CELF2: variants seen among roughly 807,000 people sequenced by gnomAD.
CELF2 encodes CUG triplet repeat RNA-binding protein 2.
A neutral mutation model predicts 62.6 loss-of-function variants in CELF2; 8 were observed. The observed-to-expected ratio is 0.13, with a 90% CI of 0.07 to 0.23. The LOEUF is 0.23. Among genes scored for constraint, CELF2 ranks in the 10% least tolerant of loss-of-function variants. CELF2 has a pLI of 1.00. For missense variants in CELF2, 333 were observed against 671.0 expected, an observed-to-expected ratio of 0.50 and a Z score of 5.56; for synonymous variants, 258 against 250.0, an observed-to-expected ratio of 1.03 and a Z score of -0.30.
intron 2 of CELF2, among the ~76,000 whole-genome samples, chr10:10,943,773 TTTTG>T (rs1564859235): frequency 4.0e-5 from 2 of 50,016 alleles, no homozygotes; most frequent in Non-Finnish European, 6.7e-5. Flanking sequence ...TTTTTTTTTG[TTTTG>T]TTTTTGGAGA....
chr10:10,917,735 G>A (rs1254465936), intron 1 of CELF2: 1 of 152,176 alleles, frequency 6.6e-6, no homozygotes, highest in African/African-American at 2.4e-5. Flanking sequence ...GGGCTGGTGG[G>A]GAGCAGTACT....
chr10:11,093,241 T>TA (rs1439003751), intron 1 of CELF2, among the ~76,000 whole-genome samples: 4 of 132,920 alleles, frequency 3.0e-5, no homozygotes, highest in African/African-American at 1.3e-4. Context: ...AGATGGTGTT[T>TA]ATTGGGCCAC....
At chr10:10,892,244 G>T (rs2062196202) in intron 1 of CELF2, among the ~76,000 whole-genome samples, 1 of 152,102 alleles carries the variant, frequency 6.6e-6, no homozygotes, top group South Asian at 2.1e-4. Flanking sequence ...TATTTTCAGG[G>T]TCACAATCAG....
chr10:10,902,301 G>C (rs1355733274), intron 1 of CELF2, among the ~76,000 whole-genome samples: 2 of 152,200 alleles, frequency 1.3e-5, no homozygotes, highest in African/African-American at 4.8e-5. Flanking sequence ...AATGTTCATA[G>C]CAACTCTATT....
At chr10:11,264,970 A>G (rs1334148088) in intron 5 of CELF2, among the ~76,000 whole-genome samples, 1 of 152,222 alleles carries the variant, frequency 6.6e-6, no homozygotes, top group African/African-American at 2.4e-5. Flanking sequence ...TTTGTGTGTT[A>G]AAAATTATAG....
chr10:11,220,362 G>A lies in CELF2; in HGVS notation c.354+2855G>A, dbSNP rs1446900940. Among the ~76,000 whole-genome samples, 4 of 152,140 alleles carry A rather than the reference G, an allele frequency of 2.6e-5. No individual in the cohort carries two copies. Among genetic ancestry groups the A allele is most frequent in the Non-Finnish European group, 5.9e-5 (4 of 68,014 alleles). On this transcript the variant is annotated intron_variant, in intron 3 of 12. Coordinates refer to ENST00000633077, the MANE Select transcript of CELF2 (RefSeq NM_001326342.2). This position sits in a 1 kb window ranked among gnomAD's most constrained non-coding sequence, Gnocchi z 4.4. Reference sequence around the variant, plus strand: ...GTATGCGCCATCTTTCTTTCTTGAGGGACACAAAGAACTTGGTTAGTTAGG... The same window carrying A: ...GTATGCGCCATCTTTCTTTCTTGAGAGACACAAAGAACTTGGTTAGTTAGG...
the CELF2 span, among the ~76,000 whole-genome samples, chr10:10,736,255 C>T: frequency 1.3e-5 from 2 of 152,074 alleles, no homozygotes; most frequent in South Asian, 4.1e-4. Context: ...GCTTTTAAAA[C>T]GAAGGTGCTA....
At chr10:10,634,364 G>A in the CELF2 span, among the ~76,000 whole-genome samples, 15 of 151,936 alleles carry the variant, frequency 9.9e-5, no homozygotes, top group Non-Finnish European at 1.9e-4. Flanking sequence ...ACTAATTGTC[G>A]GTTTTATATA....
Position 11,285,825 on chromosome 10 carries a change from T to TGG in CELF2, c.842-2592_842-2591dup, listed in dbSNP as rs1311188926. On this transcript the variant is annotated intron_variant, in intron 8 of 12. Coordinates refer to ENST00000633077, the MANE Select transcript of CELF2 (RefSeq NM_001326342.2). The surrounding 1 kb of genome is among the most constrained non-coding windows in gnomAD (Gnocchi z 4.3). ...TTTGCTCATCACCTACTATATATAT[T>TGG]GGTGTGTGTGTGTGTGTGTGTGTGT... Among the ~76,000 whole-genome samples the TGG allele has an allele frequency of 3.5e-5, 4 of 114,184 alleles. No individual in the cohort carries two copies. The highest frequency in any genetic ancestry group is 3.3e-4 in the South Asian group (1 of 3,026). 74.9% of individuals were successfully genotyped at this position (114,184 alleles called of 152,430 possible).
intron 9 of CELF2, among the ~76,000 whole-genome samples, chr10:11,293,104 T>A (rs535925673): frequency 1.3e-5 from 2 of 152,234 alleles, no homozygotes; most frequent in African/African-American, 4.8e-5. Flanking sequence ...CAGCACACAC[T>A]CGCCCAGATC....
At chr10:10,769,625 A>G in the CELF2 span, among the ~76,000 whole-genome samples, 1 of 152,006 alleles carries the variant, frequency 6.6e-6, no homozygotes, top group Admixed American at 6.6e-5. Context: ...TTAGCTGGGC[A>G]TGGTGGTGCA....
At chr10:10,703,021 T>C in the CELF2 span, among the ~76,000 whole-genome samples, 1 of 152,222 alleles carries the variant, frequency 6.6e-6, no homozygotes, top group Non-Finnish European at 1.5e-5. Flanking sequence ...CAAAGGGTCA[T>C]CCCACTCTCC....
At chr10:10,752,302 G>A in the CELF2 span, among the ~76,000 whole-genome samples, 1 of 152,246 alleles carries the variant, frequency 6.6e-6, no homozygotes, top group Non-Finnish European at 1.5e-5. Flanking sequence ...GATGCCAGTA[G>A]TAGCAAGTGG....
chr10:11,328,829 A>G lies in CELF2; in HGVS notation c.1439-97A>G. On this transcript the variant is annotated intron_variant, in intron 12 of 12. Transcript: ENST00000633077. This position sits in a 1 kb window ranked among gnomAD's most constrained non-coding sequence, Gnocchi z 6.4. ...GCTGGGCCCGTGGGGCTGGCACCTC[A>G]TGCTGGCTCTTCAGCCTTCCCCAGA... is the stretch of plus-strand genomic sequence containing the variant. The G allele has an allele frequency of 1.4e-6, 2 of 1,415,464 alleles. No homozygotes were observed. Among genetic ancestry groups the G allele is most frequent in the Non-Finnish European group, 1.9e-6 (2 of 1,047,406 alleles). 87.7% of individuals were successfully genotyped at this position (1,415,464 alleles called of 1,614,324 possible). A position where few individuals can be genotyped will look rare whatever the true frequency, so the allele number is the denominator to read the frequency against.
intron 2 of CELF2, chr10:10,966,603 C>T: frequency 6.6e-6 from 1 of 152,324 alleles, no homozygotes; most frequent in Non-Finnish European, 1.5e-5. Flanking sequence ...GTGCTTGGGA[C>T]ACACATTCTC....
intron 1 of CELF2, among the ~76,000 whole-genome samples, chr10:10,829,145 T>C (rs746862064): frequency 6.6e-6 from 1 of 152,236 alleles, no homozygotes; most frequent in Non-Finnish European, 1.5e-5. Flanking sequence ...CTCACCATAG[T>C]TATCTTGTCA....
intron 1 of CELF2, among the ~76,000 whole-genome samples, chr10:10,879,597 C>T (rs1234298659): frequency 1.3e-5 from 2 of 152,158 alleles, no homozygotes; most frequent in South Asian, 2.1e-4. Context: ...TTTGAAAGCT[C>T]TCTAGGAAAA....
At chr10:11,062,467 A>G (rs950301680) in intron 1 of CELF2, among the ~76,000 whole-genome samples, 1 of 152,242 alleles carries the variant, frequency 6.6e-6, no homozygotes, top group East Asian at 1.9e-4. Flanking sequence ...AGAAGGTCAT[A>G]GTATCAATAT....
chr10:10,870,040 A>G (rs754505418), intron 1 of CELF2, among the ~76,000 whole-genome samples: 11 of 152,202 alleles, frequency 7.2e-5, no homozygotes, highest in Admixed American at 1.3e-4. Flanking sequence ...CCTATCTACT[A>G]TCTTAAAATC....
Sources: allele counts gnomAD v4.1 joint callset (sites outside exome capture counted in the v4.1 genomes callset), GRCh38; gene constraint gnomAD v4.1.1; non-coding constraint Gnocchi (gnomAD v3.1); transcripts MANE v1.5; gene names NCBI Gene and HGNC (gene_info 2026-07-23, HGNC 2026-07-21).